Variants in MRPL18 observed in about 807,000 individuals in gnomAD.
The protein encoded by MRPL18 is mitochondrial ribosomal protein L18, also known as large ribosomal subunit protein uL18m.
Under a neutral mutation model 20.9 loss-of-function variants are expected in MRPL18, and 16 were observed. That is an observed-to-expected ratio of 0.76 (90% CI 0.52 to 1.16). The LOEUF (loss-of-function observed/expected upper bound fraction) is 1.16, where lower values mean the gene tolerates loss of function less well. Ranked by LOEUF, MRPL18 falls within the 50% of genes most tolerant of loss-of-function variation. The pLI, the probability that MRPL18 is intolerant of heterozygous loss-of-function variation, is 0.00. For missense variants in MRPL18, 233 were observed against 230.6 expected (o/e 1.01, Z -0.07); for synonymous variants, 91 against 87.1 (o/e 1.04, Z -0.25).
intron 3 of MRPL18, 71 bp from the exon 4 acceptor site, chr6:159,797,981 G>T (rs1236396521): frequency 7.9e-7 from 1 of 1,266,416 alleles, no homozygotes; most frequent in African/African-American, 1.5e-5. Flanking sequence ...CTTTTGGAAG[G>T]TGAAAGTATT....
At chr6:159,790,663 C>T (rs775713593) in intron 1 of MRPL18, 24 bp downstream of exon 1, 5 of 1,613,320 alleles carry the variant, frequency 3.1e-6, no homozygotes, top group Admixed American at 3.3e-5. Flanking sequence ...CCCCCCTTCT[C>T]CCAGCTCACT....
upstream of MRPL18, chr6:159,790,071 G>A (rs974643195): frequency 2.2e-5 from 4 of 178,986 alleles, no homozygotes; most frequent in Non-Finnish European, 2.5e-5. Flanking sequence ...GTAAGTTTAA[G>A]GGCGCGAACC....
intron 3 of MRPL18, 73 bp downstream of exon 3, chr6:159,797,591 T>C: frequency 7.1e-7 from 1 of 1,399,930 alleles, no homozygotes. Flanking sequence ...TACATAATAA[T>C]AACAGTTTTT....
intron 2 of MRPL18, among the ~76,000 whole-genome samples, chr6:159,795,686 T>A (rs1429999420): frequency 6.6e-6 from 1 of 152,222 alleles, no homozygotes; most frequent in Non-Finnish European, 1.5e-5. Context: ...ATCTCTTGCT[T>A]TTCCCCACAA....
rs961810305 is a variant in MRPL18, at chr6:159,793,906, C to T, written c.239+2780C>T. ...CAGCCTGGGCAACAGACTGAGACTC[C>T]GTCTCAAAAAAAAAAAAAGAGATTG... is the stretch of plus-strand genomic sequence containing the variant. On this transcript the variant is annotated intron_variant, in intron 2 of 3. Transcript: ENST00000367034. Among the ~76,000 whole-genome samples the T allele has an allele frequency of 1.7e-4, 25 of 147,930 alleles. 1 individual carries two copies. The highest frequency in any genetic ancestry group is 4.2e-4 in the East Asian group (2 of 4,714).
intron 2 of MRPL18, among the ~76,000 whole-genome samples, chr6:159,792,748 C>G (rs914355273): frequency 2.0e-5 from 3 of 152,166 alleles, no homozygotes; most frequent in Non-Finnish European, 4.4e-5. Context: ...AGCAATCTTC[C>G]CACCTCAGCC....
rs1267530655 is a variant in MRPL18, at chr6:159,797,439, T to C, written c.392T>C (p.Val131Ala). 6 of 1,613,986 alleles carry C rather than the reference T, an allele frequency of 3.7e-6. No homozygotes were observed. Among genetic ancestry groups the C allele is most frequent in the Non-Finnish European group, 3.4e-6 (4 of 1,180,028 alleles). Residue 131 changes from valine to alanine, a missense_variant, in exon 3 of 4, where the codon GTG becomes GCG. Transcript: ENST00000367034. ...GTGGCTTGTGAGAGTATAGGACGAGTGCTGGCACAGAGATGCTTAGAGGCG... is the reference window on the plus strand; with the variant it reads ...GTGGCTTGTGAGAGTATAGGACGAGCGCTGGCACAGAGATGCTTAGAGGCG... ...NVVACESIGR[V>A]LAQRCLEAGI...
intron 2 of MRPL18, among the ~76,000 whole-genome samples, chr6:159,793,274 T>C (rs1780948533): frequency 6.6e-6 from 1 of 152,202 alleles, no homozygotes; most frequent in East Asian, 1.9e-4. Flanking sequence ...ACATAATGAA[T>C]CGGGCCCTTC....
Position 159,790,656 on chromosome 6 carries a change from C to T in MRPL18, c.52+17C>T, listed in dbSNP as rs781010542. 18 of 1,613,838 alleles carry T rather than the reference C, an allele frequency of 1.1e-5. No individual in the cohort carries two copies. In the East Asian group the frequency reaches 3.1e-4, roughly 28 times the overall value. ...GGAACCCTGGTAATTAGTCTTGCCC[C>T]CCTTCTCCCAGCTCACTCGCCTGGG... On this transcript the variant is annotated intron_variant, in intron 1 of 3. Transcript: ENST00000367034.
chr6:159,791,587 T>C (rs1040996422), intron 2 of MRPL18, among the ~76,000 whole-genome samples: 1 of 152,202 alleles, frequency 6.6e-6, no homozygotes, highest in Admixed American at 6.5e-5. Context: ...GATTTAAAGC[T>C]TGAGCCCGAA....
chr6:159,790,630 A>C lies in MRPL18; in HGVS notation c.43A>C (p.Arg15=). 1 of 1,614,080 alleles carries C rather than the reference A, an allele frequency of 6.2e-7. No homozygotes were observed. The highest frequency in any genetic ancestry group is 8.5e-7 in the Non-Finnish European group (1 of 1,179,996). The change falls in exon 1 of 4, where the codon AGG becomes CGG. Residue 15 remains arginine, a synonymous_variant. Transcript: ENST00000367034. The part of the protein sequence containing the change: ...SRFWGLFSVC[R]NPGCRFAALS... ...GTTTTGGGGGTTGTTCTCGGTTTGC[A>C]GGAACCCTGGTAATTAGTCTTGCCC...
At chr6:159,793,857 AGCCGAGATCGC>A (rs1780968758) in intron 2 of MRPL18, among the ~76,000 whole-genome samples, 1 of 151,834 alleles carries the variant, frequency 6.6e-6, no homozygotes, top group Admixed American at 6.6e-5. Context: ...GCTTGCAGTG[AGCCGAGATCGC>A]GCCACTGCAC....
At position 159,790,921 on chromosome 6, in the gene MRPL18, G is replaced by C. The variant is rs772773470; in HGVS notation, c.53-19G>C. On this transcript the variant is annotated intron_variant, in intron 1 of 3. Coordinates refer to ENST00000367034, the MANE Select transcript of MRPL18 (RefSeq NM_014161.5). The stretch of plus-strand genomic sequence containing the variant: ...TATCCGTCATTTTTAAGCCCTGTGC[G>C]GTTTTTCCCGTTGCCCAGGGTGCAG... 37 of 1,613,462 alleles carry C rather than the reference G, an allele frequency of 2.3e-5. No homozygotes were observed. Among genetic ancestry groups the C allele is most frequent in the Non-Finnish European group, 3.1e-5 (36 of 1,179,808 alleles).
At chr6:159,793,923 AAG>A (rs1027287439) in intron 2 of MRPL18, among the ~76,000 whole-genome samples, 5 of 152,076 alleles carry the variant, frequency 3.3e-5, no homozygotes, top group South Asian at 2.1e-4. Context: ...AAAAAAAAAA[AAG>A]AGATTGTGAT....
chr6:159,791,731 C>G (rs1260601875), intron 2 of MRPL18, among the ~76,000 whole-genome samples: 2 of 152,102 alleles, frequency 1.3e-5, no homozygotes, highest in Non-Finnish European at 2.9e-5. Flanking sequence ...ATGGTGAAAC[C>G]CCGTCTCTAC....
chr6:159,792,995 T>C (rs1175821496), intron 2 of MRPL18, among the ~76,000 whole-genome samples: 1 of 151,746 alleles, frequency 6.6e-6, no homozygotes, highest in African/African-American at 2.4e-5. Context: ...TTTTTTTTTT[T>C]TTCTGGTATT....
Position 159,790,933 on chromosome 6 carries a change from T to C in MRPL18, c.53-7T>C, listed in dbSNP as rs1318537163. 1.2e-6 allele frequency: 2 copies of C among 1,613,788 alleles called. No individual in the cohort carries two copies. Among genetic ancestry groups the C allele is most frequent in the Non-Finnish European group, 8.5e-7 (1 of 1,179,932 alleles). On this transcript the variant is annotated splice_region_variant and splice_polypyrimidine_tract_variant and intron_variant, in intron 1 of 3. Transcript: ENST00000367034. ...TTAAGCCCTGTGCGGTTTTTCCCGTTGCCCAGGGTGCAGGTTCGCAGCCCT... is the reference window on the plus strand; with the variant it reads ...TTAAGCCCTGTGCGGTTTTTCCCGTCGCCCAGGGTGCAGGTTCGCAGCCCT...
In MRPL18 at chr6:159,791,138, T is replaced by G. The variant is rs1301052040; in HGVS notation, c.239+12T>G. On this transcript the variant is annotated intron_variant, in intron 2 of 3. Transcript: ENST00000367034. ...GAGTTCTGGCACAGGTAATTAAATC[T>G]GCTTGTGATTGACAAGGGCAGTGCA... 1.5e-5 allele frequency: 25 copies of G among 1,613,848 alleles called. No homozygotes were observed. The highest frequency in any genetic ancestry group is 2.1e-5 in the Non-Finnish European group (25 of 1,179,930).
intron 1 of MRPL18, 147 bp downstream of exon 1, chr6:159,790,786 G>C: frequency 7.3e-7 from 1 of 1,373,836 alleles, no homozygotes; most frequent in Non-Finnish European, 1.0e-6. Flanking sequence ...GTTAAGGACG[G>C]GGTCAGTGCT....
Sources: allele counts gnomAD v4.1 joint callset (sites outside exome capture counted in the v4.1 genomes callset), GRCh38; gene constraint gnomAD v4.1.1; transcripts MANE v1.5; gene names NCBI Gene and HGNC (gene_info 2026-07-23, HGNC 2026-07-21).